The following F13A1 variants were observed in gnomAD, a reference collection of about 807,000 sequenced individuals.
F13A1 encodes the protein coagulation factor XIII A chain.
In F13A1, 47 loss-of-function variants were observed where a neutral mutation model predicts 80.1. The observed-to-expected ratio is 0.59, with a 90% CI of 0.46 to 0.75. The LOEUF is 0.75. Ranked by LOEUF, F13A1 falls within the 30% of genes least tolerant of loss-of-function variation. F13A1 has a pLI of 0.00. For synonymous variants in F13A1, 349 were observed against 344.9 expected, an observed-to-expected ratio of 1.01 and a Z score of -0.13; for missense variants, 817 against 930.4, an observed-to-expected ratio of 0.88 and a Z score of 1.59.
chr6:6,186,855 A>C (rs1270215), intron 10 of F13A1, among the ~76,000 whole-genome samples: 36 of 149,818 alleles, frequency 2.4e-4, no homozygotes, highest in Non-Finnish European at 3.5e-4. Context: ...CCTACCCATG[A>C]GCATGGAATA....
intron 8 of F13A1, among the ~76,000 whole-genome samples, chr6:6,208,651 CT>C (rs1761538471): frequency 6.6e-6 from 1 of 152,002 alleles, no homozygotes; most frequent in African/African-American, 2.4e-5. Context: ...CTCTTTTTTA[CT>C]TTTTTTCTTT....
rs1760256785 is a variant in F13A1, at chr6:6,145,313, T to C, written c.*306A>G. Reference sequence around the variant, plus strand: ...CCTGGTAAGAGAGCCCACTGATATTTGGAGATGTAGCCATTTGTGATGATA... The same window carrying C: ...CCTGGTAAGAGAGCCCACTGATATTCGGAGATGTAGCCATTTGTGATGATA... On this transcript the variant is annotated 3_prime_UTR_variant, in exon 15 of 15. Coordinates refer to ENST00000264870, the MANE Select transcript of F13A1 (RefSeq NM_000129.4). The C allele has an allele frequency of 5.1e-6, 2 of 393,060 alleles. No homozygotes were observed. Among genetic ancestry groups the C allele is most frequent in the Non-Finnish European group, 4.8e-6 (1 of 207,106 alleles). 24.3% of individuals were successfully genotyped at this position (393,060 alleles called of 1,614,324 possible). A position where few individuals can be genotyped will look rare whatever the true frequency, so the allele number is the denominator to read the frequency against.
intron 10 of F13A1, among the ~76,000 whole-genome samples, chr6:6,182,505 T>TAAAA (rs2151077357): frequency 6.6e-6 from 1 of 152,320 alleles, no homozygotes; most frequent in South Asian, 2.1e-4. Flanking sequence ...TAACTGTGGC[T>TAAAA]ATGTGACCTA....
rs140637219 is a variant in F13A1, at chr6:6,198,176, G to A, written c.1113-850C>T. On this transcript the variant is annotated intron_variant, in intron 8 of 14. Coordinates refer to ENST00000264870, the MANE Select transcript of F13A1 (RefSeq NM_000129.4). ...ATCTCGTGTCCAACAAGAAGAATACGTTGTCAGGGTGAATCTCTCTTTACC... is the reference window on the plus strand; with the variant it reads ...ATCTCGTGTCCAACAAGAAGAATACATTGTCAGGGTGAATCTCTCTTTACC... 4.4e-3 allele frequency among the ~76,000 whole-genome samples: 669 copies of A among 152,196 alleles called. 3 individuals are homozygous for A. The highest frequency in any genetic ancestry group is 7.4e-3 in the Non-Finnish European group (506 of 68,014).
intron 14 of F13A1, among the ~76,000 whole-genome samples, chr6:6,147,423 A>T (rs180834109): frequency 6.6e-6 from 1 of 152,224 alleles, no homozygotes; most frequent in Admixed American, 6.5e-5. Context: ...GGAAGTGTTC[A>T]TGGAGGATTC....
At position 6,318,518 on chromosome 6, in the gene F13A1, G is replaced by C. The variant is rs750450038; in HGVS notation, c.130+17C>G. 1 of 1,607,170 alleles carries C rather than the reference G, an allele frequency of 6.2e-7. No individual in the cohort carries two copies. Among genetic ancestry groups the C allele is most frequent in the Admixed American group, 1.7e-5 (1 of 58,990 alleles). The stretch of plus-strand genomic sequence containing the variant: ...TGCCTGGACCCAGAGTGGTGGGGAA[G>C]GGGGGTATGCTCATACCTTGCAGGT... On this transcript the variant is annotated intron_variant, in intron 2 of 14. Coordinates refer to ENST00000264870, the MANE Select transcript of F13A1 (RefSeq NM_000129.4).
chr6:6,248,210 TTAAGTG>T (rs1213139636), intron 6 of F13A1, 96 bp downstream of exon 6: 18 of 946,382 alleles, frequency 1.9e-5, no homozygotes, highest in Non-Finnish European at 2.7e-5. Flanking sequence ...TGAAAGTTTA[TTAAGTG>T]TAAGTCATCA....
Position 6,185,907 on chromosome 6 carries a change from T to C in F13A1, c.1306-3766A>G, listed in dbSNP as rs1343244012. Among the ~76,000 whole-genome samples the C allele has an allele frequency of 4.2e-4, 63 of 150,058 alleles. No individual in the cohort carries two copies. The East Asian group carries it at 6.1e-3, about 14-fold the overall frequency. ...TGTTGTTTCCTGACTTTTTAATGATTGCCATTCTAACTGGTGTGAGATGGT... is the reference window on the plus strand; with the variant it reads ...TGTTGTTTCCTGACTTTTTAATGATCGCCATTCTAACTGGTGTGAGATGGT... On this transcript the variant is annotated intron_variant, in intron 10 of 14. Transcript: ENST00000264870.
At chr6:6,305,123 T>C in intron 3 of F13A1, 1 of 593,634 alleles carries the variant, frequency 1.7e-6, no homozygotes, top group Non-Finnish European at 3.0e-6. Flanking sequence ...TTATACCAGT[T>C]TTACTTTTAT....
At chr6:6,293,406 C>T (rs1305643566) in intron 3 of F13A1, among the ~76,000 whole-genome samples, 1 of 152,030 alleles carries the variant, frequency 6.6e-6, no homozygotes, top group East Asian at 1.9e-4. Context: ...CACTCCCCTC[C>T]TTGCCTTTCA....
chr6:6,298,768 T>A (rs531295493), intron 3 of F13A1, among the ~76,000 whole-genome samples: 1 of 149,878 alleles, frequency 6.7e-6, no homozygotes, highest in East Asian at 1.9e-4. Context: ...AATATTGTTA[T>A]GTGTGAATTT....
At chr6:6,185,539 A>G (rs1761065677) in intron 10 of F13A1, among the ~76,000 whole-genome samples, 1 of 151,792 alleles carries the variant, frequency 6.6e-6, no homozygotes, top group Non-Finnish European at 1.5e-5. Flanking sequence ...TGTCCCTACA[A>G]AGGACATGAA....
chr6:6,192,796 G>T (rs528758244), intron 10 of F13A1, among the ~76,000 whole-genome samples: 1 of 152,284 alleles, frequency 6.6e-6, no homozygotes, highest in African/African-American at 2.4e-5. Flanking sequence ...GGGCAGGCAG[G>T]AGTGTGTGCA....
intron 3 of F13A1, among the ~76,000 whole-genome samples, chr6:6,296,254 T>G (rs1248827026): frequency 3.3e-5 from 5 of 151,934 alleles, no homozygotes; most frequent in Non-Finnish European, 7.3e-5. Flanking sequence ...CATGTGAACT[T>G]TAAAGTAGTT....
intron 2 of F13A1, among the ~76,000 whole-genome samples, chr6:6,311,212 A>G (rs957940360): frequency 6.6e-6 from 1 of 152,204 alleles, no homozygotes; most frequent in Non-Finnish European, 1.5e-5. Context: ...TTTCACCTGA[A>G]CACCTTTTAC....
chr6:6,318,481 A>T (rs1758717916), intron 2 of F13A1, 54 bp downstream of exon 2: 2 of 1,569,490 alleles, frequency 1.3e-6, no homozygotes, highest in Admixed American at 3.9e-5. Context: ...AAGAGGGGCC[A>T]GGGCCCGGCT....
chr6:6,195,489 G>A (rs1191506966), intron 10 of F13A1, among the ~76,000 whole-genome samples: 2 of 152,224 alleles, frequency 1.3e-5, no homozygotes, highest in Non-Finnish European at 2.9e-5. Flanking sequence ...TTAGTTGAGA[G>A]ATCCATTAGT....
At chr6:6,206,414 T>C in intron 8 of F13A1, 1 of 465,192 alleles carries the variant, frequency 2.1e-6, no homozygotes, top group Non-Finnish European at 4.4e-6. Context: ...TATGGAGTGT[T>C]TTCTATGTGG....
intron 6 of F13A1, among the ~76,000 whole-genome samples, chr6:6,244,126 C>T (rs1033817667): frequency 3.3e-5 from 5 of 152,172 alleles, no homozygotes; most frequent in African/African-American, 9.7e-5. Context: ...CCATGTCTGG[C>T]TTATTCACAG....
Sources: allele counts gnomAD v4.1 joint callset (sites outside exome capture counted in the v4.1 genomes callset), GRCh38; gene constraint gnomAD v4.1.1; transcripts MANE v1.5; gene names NCBI Gene and HGNC (gene_info 2026-07-23, HGNC 2026-07-21).